The following JAKMIP1 variants were observed in gnomAD, a reference collection of about 807,000 sequenced individuals.
The protein encoded by JAKMIP1 is janus kinase and microtubule-interacting protein 1.
Under a neutral mutation model 113.0 loss-of-function variants are expected in JAKMIP1, and 33 were observed. That is an observed-to-expected ratio of 0.29 (90% CI 0.22 to 0.39). JAKMIP1 has a LOEUF of 0.39. Among genes scored for constraint, JAKMIP1 ranks in the 10% least tolerant of loss-of-function variants. The pLI is 1.00. For synonymous variants in JAKMIP1, 480 were observed against 459.9 expected (o/e 1.04, Z -0.56); for missense variants, 813 against 1,080.5 (o/e 0.75, Z 3.47).
chr4:6,030,850 C>G (rs886304014), intron 19 of JAKMIP1, among the ~76,000 whole-genome samples: 1 of 152,202 alleles, frequency 6.6e-6, no homozygotes, highest in Non-Finnish European at 1.5e-5. Context: ...ATTGCCAGGC[C>G]CTGCCCACAG....
rs1042243392 is a variant in JAKMIP1 at position 6,181,661 on chromosome 4, G to A, written c.-148+18592C>T. Among the ~76,000 whole-genome samples the A allele has an allele frequency of 6.6e-6, 1 of 152,198 alleles. No individual in the cohort carries two copies. Among genetic ancestry groups the A allele is most frequent in the African/African-American group, 2.4e-5 (1 of 41,450 alleles). On this transcript the variant is annotated intron_variant, in intron 1 of 20. Coordinates refer to ENST00000409021, the MANE Select transcript of JAKMIP1 (RefSeq NM_001099433.2). This position sits in a 1 kb window ranked among gnomAD's most constrained non-coding sequence, Gnocchi z 5.4. ...ATGGAGGAGCAGGGGTCAAAGAAAA[G>A]TCAATTGGCATCAGAGAGGGAGAGC...
intron 1 of JAKMIP1, among the ~76,000 whole-genome samples, chr4:6,147,847 C>T (rs918285467): frequency 2.0e-5 from 3 of 152,246 alleles, no homozygotes. Flanking sequence ...CCTGGCCTCA[C>T]AGGGCTGGCA....
Position 6,049,010 on chromosome 4 carries a change from G to A in JAKMIP1, c.1963-88C>T, listed in dbSNP as rs1203683181. The A allele has an allele frequency of 3.6e-5, 33 of 911,154 alleles. No individual in the cohort carries two copies. Among genetic ancestry groups the A allele is most frequent in the South Asian group, 7.1e-5 (5 of 70,088 alleles). The allele number at this position is 911,154 out of a possible 1,614,324, so 56.4% of individuals were successfully genotyped here. ...AGCACCAAGCAAGTTTTTTTTTTTCGTTGTTGTTGTTTGTTTTATTATGTT... is the reference window on the plus strand; with the variant it reads ...AGCACCAAGCAAGTTTTTTTTTTTCATTGTTGTTGTTTGTTTTATTATGTT... On this transcript the variant is annotated intron_variant, in intron 15 of 20. Coordinates refer to ENST00000409021, the MANE Select transcript of JAKMIP1 (RefSeq NM_001099433.2). This position sits in a 1 kb window ranked among gnomAD's most constrained non-coding sequence, Gnocchi z 7.0.
In JAKMIP1 at chr4:6,135,256, G is replaced by T. The variant is rs1312949285; in HGVS notation, c.-147-22259C>A. Among the ~76,000 whole-genome samples, 2 of 152,204 alleles carry T rather than the reference G, an allele frequency of 1.3e-5. No homozygotes were observed. The highest frequency in any genetic ancestry group is 2.4e-5 in the African/African-American group (1 of 41,460). On this transcript the variant is annotated intron_variant, in intron 1 of 20. Transcript: ENST00000409021. The surrounding 1 kb of genome is among the most constrained non-coding windows in gnomAD (Gnocchi z 4.9). ...TTAGGTAAAATGGGGCTGTGGATTAGGGTGGGACCTAATCCAAGATGACGG... is the reference window on the plus strand; with the variant it reads ...TTAGGTAAAATGGGGCTGTGGATTATGGTGGGACCTAATCCAAGATGACGG...
intron 1 of JAKMIP1, among the ~76,000 whole-genome samples, chr4:6,119,404 C>G (rs1333038856): frequency 6.6e-6 from 1 of 152,142 alleles, no homozygotes; most frequent in Non-Finnish European, 1.5e-5. Context: ...ATTAGCTGGG[C>G]GTGGTTGCGC....
At chr4:6,126,628 AC>A in intron 1 of JAKMIP1, among the ~76,000 whole-genome samples, 1 of 150,948 alleles carries the variant, frequency 6.6e-6, no homozygotes, top group Admixed American at 6.6e-5. Flanking sequence ...ACACACACAC[AC>A]AAACACACAC....
At chr4:6,125,058 C>T (rs986728310) in intron 1 of JAKMIP1, among the ~76,000 whole-genome samples, 3 of 152,140 alleles carry the variant, frequency 2.0e-5, no homozygotes, top group Non-Finnish European at 4.4e-5. Context: ...CAGTGGTCAG[C>T]CAGGCTATGG....
intron 1 of JAKMIP1, among the ~76,000 whole-genome samples, chr4:6,152,757 C>A (rs950936310): frequency 3.4e-5 from 5 of 146,768 alleles, no homozygotes; most frequent in Non-Finnish European, 6.0e-5. Context: ...GCCTGGCCAA[C>A]ATGGCGAAAC....
At chr4:6,070,902 G>C (rs1358202415) in intron 8 of JAKMIP1, among the ~76,000 whole-genome samples, 1 of 152,156 alleles carries the variant, frequency 6.6e-6, no homozygotes, top group Non-Finnish European at 1.5e-5. Flanking sequence ...GTCTCTGAGA[G>C]TCTTCCATCT....
intron 8 of JAKMIP1, among the ~76,000 whole-genome samples, chr4:6,078,472 G>C (rs2108815986): frequency 7.0e-6 from 1 of 142,530 alleles, no homozygotes; most frequent in Non-Finnish European, 1.5e-5. Context: ...GTGGGCATTT[G>C]AATTTTATAA....
At chr4:6,100,225 C>G (rs1341759157) in intron 3 of JAKMIP1, among the ~76,000 whole-genome samples, 1 of 152,186 alleles carries the variant, frequency 6.6e-6, no homozygotes, top group Non-Finnish European at 1.5e-5. Flanking sequence ...GTCCCTCACA[C>G]TCATTTACAG....
Position 6,136,144 on chromosome 4 carries a change from G to A in JAKMIP1, c.-147-23147C>T, listed in dbSNP as rs1719210444. Among the ~76,000 whole-genome samples, 1 of 152,094 alleles carries A rather than the reference G, an allele frequency of 6.6e-6. No homozygotes were observed. Among genetic ancestry groups the A allele is most frequent in the Admixed American group, 6.5e-5 (1 of 15,274 alleles). ...TCCTGTATTCCCAGCTGCTGGGGAG[G>A]CTGAGGCAGGAGAATCACTTGAACC... On this transcript the variant is annotated intron_variant, in intron 1 of 20. Transcript: ENST00000409021. The surrounding 1 kb of genome is among the most constrained non-coding windows in gnomAD (Gnocchi z 5.9).
intron 1 of JAKMIP1, among the ~76,000 whole-genome samples, chr4:6,115,573 C>A (rs1416202210): frequency 6.6e-6 from 1 of 152,186 alleles, no homozygotes; most frequent in Non-Finnish European, 1.5e-5. Context: ...AGCAGCCACG[C>A]CCCCAGGATA....
rs952590505 is a variant in JAKMIP1, at chr4:6,051,024, C to T, written c.1807-345G>A. On this transcript the variant is annotated intron_variant, in intron 13 of 20. Transcript: ENST00000409021. This position sits in a 1 kb window ranked among gnomAD's most constrained non-coding sequence, Gnocchi z 5.0. ...ACTAAATTTGAATAGACAGCAAAAG[C>T]CACCAACTATGGTTTATTACTCTGT... Among the ~76,000 whole-genome samples the T allele has an allele frequency of 2.0e-5, 3 of 152,210 alleles. No individual in the cohort carries two copies. Among genetic ancestry groups the T allele is most frequent in the African/African-American group, 7.2e-5 (3 of 41,462 alleles).
chr4:6,135,178 C>G lies in JAKMIP1; in HGVS notation c.-147-22181G>C, dbSNP rs1314658001. ...CAAAATTCTTATGTTGAATCCCCAACCCCCAGCACCTCAGGACTTCATGTT... is the reference window on the plus strand; with the variant it reads ...CAAAATTCTTATGTTGAATCCCCAAGCCCCAGCACCTCAGGACTTCATGTT... On this transcript the variant is annotated intron_variant, in intron 1 of 20. Transcript: ENST00000409021. This position sits in a 1 kb window ranked among gnomAD's most constrained non-coding sequence, Gnocchi z 4.9. Among the ~76,000 whole-genome samples the G allele has an allele frequency of 6.6e-6, 1 of 152,162 alleles. No individual in the cohort carries two copies.
rs1367379184 is a variant in JAKMIP1, at chr4:6,139,225, G to T, written c.-147-26228C>A. Among the ~76,000 whole-genome samples, 1 of 152,098 alleles carries T rather than the reference G, an allele frequency of 6.6e-6. No individual in the cohort carries two copies. Among genetic ancestry groups the T allele is most frequent in the Non-Finnish European group, 1.5e-5 (1 of 68,024 alleles). ...CTCCAGAAACTTTCACTATTTAAAA[G>T]GGTTCTGCCCCAGTTAAAAAGCATT... On this transcript the variant is annotated intron_variant, in intron 1 of 20. Coordinates refer to ENST00000409021, the MANE Select transcript of JAKMIP1 (RefSeq NM_001099433.2). The surrounding 1 kb of genome is among the most constrained non-coding windows in gnomAD (Gnocchi z 5.2).
rs569061128 is a variant in JAKMIP1, at chr4:6,188,998, G to A, written c.-148+11255C>T. On this transcript the variant is annotated intron_variant, in intron 1 of 20. Coordinates refer to ENST00000409021, the MANE Select transcript of JAKMIP1 (RefSeq NM_001099433.2). The surrounding 1 kb of genome is among the most constrained non-coding windows in gnomAD (Gnocchi z 5.8). ...CTGAGCCTGGAAGGCTCCAAGACTTGCTGAGGAAATCCAATTACTGCCGGG... is the reference window on the plus strand; with the variant it reads ...CTGAGCCTGGAAGGCTCCAAGACTTACTGAGGAAATCCAATTACTGCCGGG... 6.6e-6 allele frequency among the ~76,000 whole-genome samples: 1 copy of A among 152,322 alleles called. No homozygotes were observed. The highest frequency in any genetic ancestry group is 2.1e-4 in the South Asian group (1 of 4,826).
intron 5 of JAKMIP1, among the ~76,000 whole-genome samples, chr4:6,083,653 T>A (rs373107966): frequency 1.3e-5 from 2 of 152,044 alleles, no homozygotes; most frequent in East Asian, 3.8e-4. Context: ...GTAAATTTAT[T>A]TTGATCCTAT....
intron 12 of JAKMIP1, among the ~76,000 whole-genome samples, chr4:6,055,459 C>A (rs887395208): frequency 6.6e-6 from 1 of 152,216 alleles, no homozygotes; most frequent in African/African-American, 2.4e-5. Flanking sequence ...TGGAAAGTTC[C>A]ACAACCAGAA....
Sources: allele counts gnomAD v4.1 joint callset (sites outside exome capture counted in the v4.1 genomes callset), GRCh38; gene constraint gnomAD v4.1.1; non-coding constraint Gnocchi (gnomAD v3.1); transcripts MANE v1.5; gene names NCBI Gene and HGNC (gene_info 2026-07-23, HGNC 2026-07-21).